LRP5: variants seen among roughly 807,000 people sequenced by gnomAD.
LRP5 encodes low-density lipoprotein receptor-related protein 5.
In LRP5, 62 loss-of-function variants were observed where a neutral mutation model predicts 154.1. The ratio of observed to expected loss-of-function variants is 0.40; its 90% CI spans 0.33 to 0.50. The LOEUF is 0.50. Among genes scored for constraint, LRP5 ranks in the 20% least tolerant of loss-of-function variants. The pLI is 0.55. For missense variants in LRP5, 1,915 were observed against 2,336.7 expected, an observed-to-expected ratio of 0.82 and a Z score of 3.72; for synonymous variants, 966 against 1,011.5, an observed-to-expected ratio of 0.96 and a Z score of 0.85.
chr11:68,415,011 G>C (rs1219445793), intron 12 of LRP5, among the ~76,000 whole-genome samples: 1 of 152,244 alleles, frequency 6.6e-6, no homozygotes, highest in Non-Finnish European at 1.5e-5. Flanking sequence ...TCCCCGTCCT[G>C]TGGCCGGCAG....
the LRP5 span, among the ~76,000 whole-genome samples, chr11:68,305,268 G>A: frequency 9.3e-4 from 140 of 151,308 alleles, no homozygotes; most frequent in African/African-American, 2.9e-3. Context: ...TCTCTCTCTC[G>A]CTCCTGCTTT....
At chr11:68,398,241 C>T (rs146052776) in intron 7 of LRP5, among the ~76,000 whole-genome samples, 89 of 152,272 alleles carry the variant, frequency 5.8e-4, no homozygotes, top group African/African-American at 2.0e-3. Context: ...GCACAGCAGG[C>T]GACTGTCCAG....
intron 1 of LRP5, among the ~76,000 whole-genome samples, chr11:68,322,803 A>T (rs1479638511): frequency 1.3e-5 from 2 of 152,218 alleles, no homozygotes; most frequent in Non-Finnish European, 2.9e-5. Context: ...CTGTCTGGCT[A>T]TGTGACAGCT....
chr11:68,443,562 TATATATATA>T (rs2098679517), intron 21 of LRP5, among the ~76,000 whole-genome samples: 1 of 34,426 alleles, frequency 2.9e-5, no homozygotes, highest in Non-Finnish European at 5.6e-5. Context: ...TATATATATA[TATATATATA>T]TATATATATA....
chr11:68,361,347 A>T (rs1346971714), intron 3 of LRP5, among the ~76,000 whole-genome samples: 1 of 149,408 alleles, frequency 6.7e-6, no homozygotes, highest in African/African-American at 2.5e-5. Context: ...TTAAAAAATT[A>T]AAAGTAAGGC....
intron 2 of LRP5, among the ~76,000 whole-genome samples, chr11:68,355,696 C>T (rs1211843936): frequency 6.6e-6 from 1 of 152,128 alleles, no homozygotes; most frequent in Non-Finnish European, 1.5e-5. Flanking sequence ...CCAGAGATCA[C>T]GTAAGGGCGC....
At position 68,347,910 on chromosome 11, in the gene LRP5, A is replaced by G. The variant is rs2098614630; in HGVS notation, c.155A>G (p.Lys52Arg). 4 of 1,613,396 alleles carry G rather than the reference A, an allele frequency of 2.5e-6. No individual in the cohort carries two copies. Among genetic ancestry groups the G allele is most frequent in the Non-Finnish European group, 8.5e-7 (1 of 1,180,046 alleles). Residue 52 changes from lysine (K) to arginine (R), a missense_variant, in exon 2 of 23, where the codon AAG (lysine) becomes AGG (arginine). By Grantham distance (26) the Lys-to-Arg change is conservative. Transcript: ENST00000294304. ...CGGCTGGTGGACGCCGGCGGAGTCA[A>G]GCTGGAGTCCACCATCGTGGTCAGC... Reference protein sequence around the residue: ...DVRLVDAGGVKLESTIVVSGL... With the variant: ...DVRLVDAGGVRLESTIVVSGL...
intron 21 of LRP5, among the ~76,000 whole-genome samples, chr11:68,441,047 C>T (rs1421821524): frequency 6.6e-6 from 1 of 152,068 alleles, no homozygotes; most frequent in African/African-American, 2.4e-5. Flanking sequence ...GGATTACAGG[C>T]GTGAGCCACC....
chr11:68,384,587 G>A (rs1030978598), intron 5 of LRP5, among the ~76,000 whole-genome samples: 2 of 152,204 alleles, frequency 1.3e-5, no homozygotes, highest in African/African-American at 4.8e-5. Context: ...CAGGATTATG[G>A]GGCACCCTGG....
chr11:68,388,858 A>G (rs1251487042), intron 6 of LRP5, among the ~76,000 whole-genome samples: 3 of 152,190 alleles, frequency 2.0e-5, no homozygotes, highest in Non-Finnish European at 4.4e-5. Flanking sequence ...GGGAGCCCCC[A>G]GGGACTCTGG....
chr11:68,314,693 C>T (rs915974553), intron 1 of LRP5, among the ~76,000 whole-genome samples: 5 of 152,244 alleles, frequency 3.3e-5, no homozygotes, highest in Non-Finnish European at 7.3e-5. Flanking sequence ...GTTCCAGGGC[C>T]GGCCTGTCCA....
At position 68,449,102 on chromosome 11, in the gene LRP5, C is replaced by T; in HGVS notation, c.*32C>T. The T allele has an allele frequency of 6.7e-7, 1 of 1,493,164 alleles. No individual in the cohort carries two copies. Among genetic ancestry groups the T allele is most frequent in the Non-Finnish European group, 8.9e-7 (1 of 1,125,138 alleles). The allele number at this position is 1,493,164 out of a possible 1,614,324, so 92.5% of individuals were successfully genotyped here. Reference sequence around the variant, plus strand: ...CCGGGCCACTCTGGCTTCTCTGTGCCCCTGTAAATAGTTTTAAATATGAAC... The same window carrying T: ...CCGGGCCACTCTGGCTTCTCTGTGCTCCTGTAAATAGTTTTAAATATGAAC... On this transcript the variant is annotated 3_prime_UTR_variant, in exon 23 of 23. Coordinates refer to ENST00000294304, the MANE Select transcript of LRP5 (RefSeq NM_002335.4).
intron 9 of LRP5, among the ~76,000 whole-genome samples, chr11:68,409,095 T>TATATATATATATATATATACAC (rs1311618305): frequency 7.2e-5 from 2 of 27,752 alleles, no homozygotes; most frequent in Non-Finnish European, 1.7e-4. Flanking sequence ...TATATATATA[T>TATATATATATATATATATACAC]ACACACACAT....
chr11:68,338,779 A>G (rs1357418176), intron 1 of LRP5, among the ~76,000 whole-genome samples: 1 of 151,670 alleles, frequency 6.6e-6, no homozygotes, highest in Non-Finnish European at 1.5e-5. Context: ...CCCAGTGTGC[A>G]TGGTGCCTTT....
chr11:68,436,827 C>A, intron 18 of LRP5, 62 bp from the exon 19 acceptor site: 1 of 1,220,066 alleles, frequency 8.2e-7, no homozygotes, highest in East Asian at 2.3e-5. Context: ...GGTTGCTGTG[C>A]CCTGCATGGT....
At chr11:68,329,289 G>C (rs1269434493) in intron 1 of LRP5, among the ~76,000 whole-genome samples, 1 of 152,178 alleles carries the variant, frequency 6.6e-6, no homozygotes, top group Non-Finnish European at 1.5e-5. Flanking sequence ...TGTGCCAGGT[G>C]GGCTCTAAGA....
rs746150697 is a variant in LRP5 at position 68,416,538 on chromosome 11, T to C, written c.3027+11T>C. 40 of 1,613,666 alleles carry C rather than the reference T, an allele frequency of 2.5e-5. No homozygotes were observed. Among genetic ancestry groups the C allele is most frequent in the Non-Finnish European group, 3.3e-5 (39 of 1,179,890 alleles). On this transcript the variant is annotated intron_variant, in intron 13 of 22. Coordinates refer to ENST00000294304, the MANE Select transcript of LRP5 (RefSeq NM_002335.4). ...GACGACGGGACCCAGGCAGGTGCCC[T>C]GTGGGAAGGGTGCGGGGTGTGCTTC...
chr11:68,360,825 G>A (rs160517), intron 3 of LRP5, among the ~76,000 whole-genome samples: 44,667 of 150,676 alleles, frequency 0.3, 7,839 homozygotes, highest in Admixed American at 0.42. Flanking sequence ...GTGAAACCTC[G>A]TCTCTACTAA....
intron 19 of LRP5, 65 bp from the exon 20 acceptor site, chr11:68,438,381 C>T: frequency 1.4e-6 from 2 of 1,439,294 alleles, no homozygotes; most frequent in South Asian, 1.1e-5. Context: ...ACGGTGTCTG[C>T]CCCCAAGGAG....
Sources: gnomAD v4.1 joint callset for allele counts (sites outside exome capture counted in the v4.1 genomes callset) on GRCh38, gnomAD v4.1.1 for gene constraint, MANE v1.5 for transcripts, NCBI Gene and HGNC (gene_info 2026-07-23, HGNC 2026-07-21) for gene names.